ST6GALNAC4: variants seen among roughly 807,000 people sequenced by gnomAD.
The protein encoded by ST6GALNAC4 is ST6 N-acetylgalactosaminide alpha-2,6-sialyltransferase 4.
Under a neutral mutation model 30.4 loss-of-function variants are expected in ST6GALNAC4, and 24 were observed. The ratio of observed to expected loss-of-function variants is 0.79; its 90% CI spans 0.57 to 1.11. ST6GALNAC4 has a LOEUF of 1.11. ST6GALNAC4 is among the 50% of genes most tolerant of loss of function. The probability of loss-of-function intolerance (pLI) is 0.00; values close to 1 mark genes in which losing one functional copy is unlikely to be tolerated. For missense variants in ST6GALNAC4, 365 were observed against 430.1 expected (o/e 0.85, Z 1.34); for synonymous variants, 156 against 179.7 (o/e 0.87, Z 1.05).
chr9:127,911,783 C>A (rs1396027964), intron 4 of ST6GALNAC4, among the ~76,000 whole-genome samples: 1 of 152,204 alleles, frequency 6.6e-6, no homozygotes, highest in Non-Finnish European at 1.5e-5. Flanking sequence ...CCGGGCCTAG[C>A]CCTAATTTTT....
chr9:127,916,434 T>C lies in ST6GALNAC4; in HGVS notation c.-15A>G. On this transcript the variant is annotated 5_prime_UTR_variant, in exon 2 of 6. Transcript: ENST00000335791. ...GGAGCCTTCATGCTGTCGCTGTCCC[T>C]CAGTAGTCTAGGGGCTGCTGTCTCC... The C allele has an allele frequency of 6.2e-7, 1 of 1,613,990 alleles. No homozygotes were observed. The highest frequency in any genetic ancestry group is 1.1e-5 in the South Asian group (1 of 91,078).
intron 3 of ST6GALNAC4, among the ~76,000 whole-genome samples, chr9:127,914,245 T>C (rs1831140753): frequency 6.6e-6 from 1 of 151,142 alleles, no homozygotes; most frequent in Non-Finnish European, 1.5e-5. Context: ...AAATACAAAA[T>C]TAGCCAGGTG....
intron 1 of ST6GALNAC4, 64 bp downstream of exon 1, chr9:127,916,761 AG>A: frequency 4.3e-6 from 2 of 469,488 alleles, no homozygotes; most frequent in Non-Finnish European, 7.8e-6. Flanking sequence ...CCCCAGCTCA[AG>A]GTCACCCATC....
At chr9:127,909,363 TG>T (rs1831019113) in intron 5 of ST6GALNAC4, among the ~76,000 whole-genome samples, 3 of 149,044 alleles carry the variant, frequency 2.0e-5, no homozygotes, top group South Asian at 2.1e-4. Flanking sequence ...CACTCCAGCC[TG>T]GGCAACAAGA....
intron 5 of ST6GALNAC4, among the ~76,000 whole-genome samples, chr9:127,909,330 A>T (rs80142761): frequency 2.6e-4 from 39 of 151,610 alleles, no homozygotes; most frequent in African/African-American, 8.9e-4. Context: ...TGGAGGTTGC[A>T]GTGAGCCAAG....
chr9:127,908,853 C>T (rs572866965), intron 5 of ST6GALNAC4, among the ~76,000 whole-genome samples: 5 of 152,284 alleles, frequency 3.3e-5, no homozygotes, highest in Non-Finnish European at 7.4e-5. Flanking sequence ...TGGTCACATC[C>T]GCCTTCCAGA....
In ST6GALNAC4 at chr9:127,916,479, G is replaced by T. The variant is rs1280592679; in HGVS notation, c.-60C>A. 3 of 1,608,130 alleles carry T rather than the reference G, an allele frequency of 1.9e-6. No homozygotes were observed. The African/African-American group carries it at 4.0e-5, about 21-fold the overall frequency. ...GTCTCCAGGGCTGGGGCTGGGAAGG[G>T]GTGGGAGCCGGGCACCTGCCAAGAC... On this transcript the variant is annotated 5_prime_UTR_variant, in exon 2 of 6. Coordinates refer to ENST00000335791, the MANE Select transcript of ST6GALNAC4 (RefSeq NM_175039.4).
intron 2 of ST6GALNAC4, chr9:127,915,979 GGGAGGGAGTTC>G (rs1342410071): frequency 4.2e-6 from 1 of 236,424 alleles, no homozygotes; most frequent in African/African-American, 2.2e-5. Context: ...AGCTGTGCAG[GGGAGGGAGTTC>G]TGCCTGGCAC....
intron 5 of ST6GALNAC4, among the ~76,000 whole-genome samples, chr9:127,909,402 AG>A (rs1335418596): frequency 6.6e-6 from 1 of 151,380 alleles, no homozygotes; most frequent in Non-Finnish European, 1.5e-5. Context: ...AAAAAAAAAA[AG>A]AAATATAATA....
At chr9:127,914,519 A>AAT in intron 3 of ST6GALNAC4, 137 bp downstream of exon 3, 1 of 490,182 alleles carries the variant, frequency 2.0e-6, no homozygotes, top group Non-Finnish European at 3.3e-6. Context: ...AAAAAAAAAA[A>AAT]GAACCTAGGG....
At chr9:127,916,111 A>G (rs1272453951) in intron 2 of ST6GALNAC4, 4 of 531,380 alleles carry the variant, frequency 7.5e-6, no homozygotes, top group Non-Finnish European at 1.3e-5. Flanking sequence ...AGTAAAGACA[A>G]GAGCGGCTGA....
chr9:127,910,004 C>T lies in ST6GALNAC4; in HGVS notation c.666G>A (p.Leu222=). ...STGWFTMILA[L]ELCEEIVVYG... is the part of the protein sequence containing the mutation. The stretch of plus-strand genomic sequence containing the variant: ...AGACCACGATCTCCTCACACAGCTC[C>T]AGCGCGAGGATCATGGTGAACCAGC... Residue 222 remains leucine, a synonymous_variant, in exon 5 of 6, where the codon CTG becomes CTA. Transcript: ENST00000335791. 1.2e-5 allele frequency: 20 copies of T among 1,613,516 alleles called. No homozygotes were observed. The highest frequency in any genetic ancestry group is 1.7e-5 in the Non-Finnish European group (20 of 1,179,990).
intron 5 of ST6GALNAC4, among the ~76,000 whole-genome samples, chr9:127,909,258 A>C (rs567169531): frequency 3.9e-5 from 6 of 151,908 alleles, no homozygotes; most frequent in East Asian, 1.9e-4. Flanking sequence ...GCGTGGTGGC[A>C]CGTGCCTGTA....
rs779096406 is a variant in ST6GALNAC4 at position 127,914,711 on chromosome 9, G to A, written c.143C>T (p.Pro48Leu). 2 of 1,612,524 alleles carry A rather than the reference G, an allele frequency of 1.2e-6. No homozygotes were observed. Among genetic ancestry groups the A allele is most frequent in the Non-Finnish European group, 1.7e-6 (2 of 1,179,232 alleles). The change falls in exon 3 of 6, where the codon CCC becomes CTC. Residue 48 changes from proline (P) to leucine (L), a missense_variant. Pro to Leu is a moderately conservative substitution (Grantham distance 98). Transcript: ENST00000335791. ...LDHHFPTGSRPTVPGPLHFSG... is the reference protein window; with the variant it reads ...LDHHFPTGSRLTVPGPLHFSG... ...GAAGTGCAGGGGTCCCGGCACAGTG[G>A]GCCTGGAGCCTGTGGGGAAGTGGTG...
intron 5 of ST6GALNAC4, 120 bp downstream of exon 5, chr9:127,909,831 T>C: frequency 1.0e-6 from 1 of 980,458 alleles, no homozygotes. Flanking sequence ...TGTGCTATGG[T>C]CACCCACCAT....
At chr9:127,916,607 C>G (rs963873395) in intron 1 of ST6GALNAC4, 113 bp from the exon 2 acceptor site, 15 of 639,962 alleles carry the variant, frequency 2.3e-5, no homozygotes, top group Admixed American at 1.3e-4. Context: ...ACATGGCACC[C>G]GGGAATCCAA....
chr9:127,911,720 C>T (rs971411020), intron 4 of ST6GALNAC4, among the ~76,000 whole-genome samples: 3 of 152,160 alleles, frequency 2.0e-5, no homozygotes, highest in African/African-American at 7.2e-5. Context: ...CTCTTGACCT[C>T]GTGATCCTTC....
chr9:127,908,031 A>G lies in ST6GALNAC4; in HGVS notation c.*361T>C, dbSNP rs1043026. The G allele has an allele frequency of 0.95, 150,103 of 158,462 alleles. 71,628 individuals are homozygous for G. Among genetic ancestry groups the G allele is most frequent in the Non-Finnish European group, 1 (72,357 of 72,436 alleles). The allele number at this position is 158,462 out of a possible 1,614,324, so 9.8% of individuals were successfully genotyped here. A position where few individuals can be genotyped will look rare whatever the true frequency, so the allele number is the denominator to read the frequency against. ...AAGTGTGGCACCAAAAGGTGGTAGG[A>G]GCGGCTGGGGAGGGAGGACCAGGAC... On this transcript the variant is annotated 3_prime_UTR_variant, in exon 6 of 6. Coordinates refer to ENST00000335791, the MANE Select transcript of ST6GALNAC4 (RefSeq NM_175039.4).
intron 5 of ST6GALNAC4, among the ~76,000 whole-genome samples, chr9:127,909,152 C>G (rs557227314): frequency 5.5e-4 from 83 of 152,242 alleles, no homozygotes; most frequent in Non-Finnish European, 4.0e-4. Flanking sequence ...CCTGGGGAGG[C>G]CAAGGCGGGA....
Sources: gnomAD v4.1 joint callset for allele counts (sites outside exome capture counted in the v4.1 genomes callset) on GRCh38, gnomAD v4.1.1 for gene constraint, MANE v1.5 for transcripts, NCBI Gene and HGNC (gene_info 2026-07-23, HGNC 2026-07-21) for gene names.